STRN3: variants seen among roughly 807,000 people sequenced by gnomAD.
The protein encoded by STRN3 is striatin 3, also known as striatin-3.
In STRN3, 29 loss-of-function variants were observed where a neutral mutation model predicts 95.6. The observed-to-expected ratio is 0.30, with a 90% CI of 0.23 to 0.41. STRN3 has a LOEUF of 0.41. Ranked by LOEUF, STRN3 falls within the 10% of genes least tolerant of loss-of-function variation. STRN3 has a pLI of 1.00. For missense variants in STRN3, 890 were observed against 972.1 expected (o/e 0.92, Z 1.12); for synonymous variants, 331 against 357.6 (o/e 0.93, Z 0.84).
rs544301004 is a variant in STRN3 at position 30,946,493 on chromosome 14, G to A, written c.716+597C>T. On this transcript the variant is annotated intron_variant, in intron 5 of 17. Coordinates refer to ENST00000357479, the MANE Select transcript of STRN3 (RefSeq NM_001083893.2). The stretch of plus-strand genomic sequence containing the variant: ...TGGAAGTCAGAGGCTGCCATGAGCC[G>A]ACAGCACACCAGTGCACTCCAGCCT... Among the ~76,000 whole-genome samples, 45 of 152,206 alleles carry A rather than the reference G, an allele frequency of 3.0e-4. 1 individual carries two copies. The highest frequency in any genetic ancestry group is 7.2e-4 in the African/African-American group (30 of 41,530).
intron 1 of STRN3, among the ~76,000 whole-genome samples, chr14:31,016,358 G>A (rs1487840995): frequency 6.6e-6 from 1 of 152,038 alleles, no homozygotes. Context: ...ATGGAATATT[G>A]TTCAGCACTA....
chr14:30,949,325 T>C (rs1344445793), intron 4 of STRN3, among the ~76,000 whole-genome samples: 1 of 152,160 alleles, frequency 6.6e-6, no homozygotes, highest in Non-Finnish European at 1.5e-5. Context: ...TAAATACATT[T>C]ACAGAGGCCA....
chr14:31,025,616 G>A, intron 1 of STRN3: 1 of 489,646 alleles, frequency 2.0e-6, no homozygotes, highest in Non-Finnish European at 3.7e-6. Context: ...GGCCCGGGAA[G>A]GCCGCCTCCG....
chr14:31,017,062 G>A (rs1408455104), intron 1 of STRN3, among the ~76,000 whole-genome samples: 2 of 151,980 alleles, frequency 1.3e-5, no homozygotes, highest in African/African-American at 4.8e-5. Flanking sequence ...GGCTGAGGTG[G>A]GAGGATCACC....
intron 1 of STRN3, among the ~76,000 whole-genome samples, chr14:31,005,162 T>C (rs1882657244): frequency 6.6e-6 from 1 of 152,036 alleles, no homozygotes; most frequent in South Asian, 2.1e-4. Flanking sequence ...TGAAACCCCA[T>C]CTCTACTAAA....
intron 9 of STRN3, among the ~76,000 whole-genome samples, chr14:30,914,493 C>T (rs1181044613): frequency 6.6e-6 from 1 of 152,172 alleles, no homozygotes; most frequent in Non-Finnish European, 1.5e-5. Context: ...GCTGGGATTA[C>T]AGGCGCCCGC....
chr14:30,931,004 T>C (rs1171656217), intron 7 of STRN3, among the ~76,000 whole-genome samples: 1 of 152,138 alleles, frequency 6.6e-6, no homozygotes, highest in Non-Finnish European at 1.5e-5. Context: ...AAGAGCCAAA[T>C]AGTTTTCTAA....
At chr14:31,000,314 G>A (rs1882385217) in intron 1 of STRN3, among the ~76,000 whole-genome samples, 1 of 151,902 alleles carries the variant, frequency 6.6e-6, no homozygotes, top group Non-Finnish European at 1.5e-5. Flanking sequence ...GCAATAATTA[G>A]ACATCTGTGT....
At chr14:30,916,601 T>C (rs932727652) in intron 9 of STRN3, among the ~76,000 whole-genome samples, 1 of 151,968 alleles carries the variant, frequency 6.6e-6, no homozygotes, top group Non-Finnish European at 1.5e-5. Context: ...AATATCTTCT[T>C]TTTTTTTCTA....
intron 4 of STRN3, among the ~76,000 whole-genome samples, chr14:30,949,627 T>C (rs565361449): frequency 6.6e-6 from 1 of 151,684 alleles, no homozygotes; most frequent in African/African-American, 2.4e-5. Context: ...GAGGTGATAG[T>C]GAGCAGAGAT....
At chr14:30,990,222 G>A (rs1201654122) in intron 1 of STRN3, among the ~76,000 whole-genome samples, 1 of 151,142 alleles carries the variant, frequency 6.6e-6, no homozygotes, top group African/African-American at 2.5e-5. Flanking sequence ...GAGTACAGTG[G>A]CGCAATCTCG....
chr14:31,017,610 G>A (rs1319057707), intron 1 of STRN3, among the ~76,000 whole-genome samples: 2 of 152,144 alleles, frequency 1.3e-5, no homozygotes, highest in Non-Finnish European at 2.9e-5. Context: ...TATCCTGGAG[G>A]AGAACCCCTG....
At chr14:30,899,415 T>C (rs1896245338) in intron 16 of STRN3, among the ~76,000 whole-genome samples, 1 of 152,230 alleles carries the variant, frequency 6.6e-6, no homozygotes, top group Admixed American at 6.5e-5. Context: ...TAGTGCAAAA[T>C]GTGACTTGAT....
At chr14:30,901,353 A>G (rs1287401675) in intron 16 of STRN3, among the ~76,000 whole-genome samples, 12 of 152,158 alleles carry the variant, frequency 7.9e-5, no homozygotes, top group Non-Finnish European at 8.8e-5. Flanking sequence ...CACAATGTAG[A>G]CCTGTAAATA....
At chr14:30,905,378 A>G (rs764722517) in intron 15 of STRN3, 40 bp downstream of exon 15, 1 of 1,550,536 alleles carries the variant, frequency 6.4e-7, no homozygotes, top group South Asian at 1.3e-5. Context: ...TTGTGTAATA[A>G]CCCTTTTTAA....
chr14:31,010,381 T>G (rs1347632032), intron 1 of STRN3, among the ~76,000 whole-genome samples: 1 of 80,470 alleles, frequency 1.2e-5, no homozygotes, highest in Admixed American at 1.9e-4. Context: ...CCCTCCCCCC[T>G]CCCCCCACCC....
At chr14:30,928,017 C>T (rs1226723463) in intron 8 of STRN3, among the ~76,000 whole-genome samples, 1 of 150,540 alleles carries the variant, frequency 6.6e-6, no homozygotes, top group African/African-American at 2.4e-5. Context: ...TGCAAATGTA[C>T]TTTTATACTC....
chr14:30,930,725 G>A (rs570836251), intron 7 of STRN3, among the ~76,000 whole-genome samples: 3 of 152,092 alleles, frequency 2.0e-5, no homozygotes, highest in South Asian at 4.1e-4. Flanking sequence ...TACTCAATTC[G>A]CATGTATTCA....
chr14:30,957,722 C>T (rs1184880186), intron 1 of STRN3, among the ~76,000 whole-genome samples: 1 of 152,098 alleles, frequency 6.6e-6, no homozygotes, highest in African/African-American at 2.4e-5. Context: ...TATATGTCAG[C>T]CTGCTTTAAC....
Sources: allele counts gnomAD v4.1 joint callset (sites outside exome capture counted in the v4.1 genomes callset), GRCh38; gene constraint gnomAD v4.1.1; transcripts MANE v1.5; gene names NCBI Gene and HGNC (gene_info 2026-07-23, HGNC 2026-07-21).